Variants in UNC5C observed in about 807,000 individuals in gnomAD.
The protein encoded by UNC5C is netrin receptor UNC5C.
Under a neutral mutation model 99.8 loss-of-function variants are expected in UNC5C, and 47 were observed. The observed-to-expected ratio is 0.47, with a 90% CI of 0.37 to 0.60. The LOEUF (loss-of-function observed/expected upper bound fraction) is 0.60. Among genes scored for constraint, UNC5C ranks in the 20% least tolerant of loss-of-function variants. The pLI, the probability that UNC5C is intolerant of heterozygous loss-of-function variation, is 0.00. For missense variants in UNC5C, 1,062 were observed against 1,165.9 expected (o/e 0.91, Z 1.30); for synonymous variants, 487 against 452.2 (o/e 1.08, Z -0.98).
chr4:95,240,865 A>G (rs573602699), intron 7 of UNC5C, among the ~76,000 whole-genome samples: 48 of 152,316 alleles, frequency 3.2e-4, no homozygotes, highest in Middle Eastern at 3.4e-3. Context: ...GACATTTTCT[A>G]TGACTAATAA....
chr4:95,545,066 A>G (rs1478286641), intron 1 of UNC5C, among the ~76,000 whole-genome samples: 1 of 152,248 alleles, frequency 6.6e-6, no homozygotes, highest in Non-Finnish European at 1.5e-5. Flanking sequence ...GGGTTTACTT[A>G]GCAGAGCTCA....
chr4:95,418,627 A>C (rs904125712), intron 1 of UNC5C, among the ~76,000 whole-genome samples: 5 of 152,212 alleles, frequency 3.3e-5, no homozygotes, highest in African/African-American at 1.2e-4. Flanking sequence ...CTGAGTAAGC[A>C]CCAGCTGTCC....
chr4:95,322,750 C>A (rs1742736275), intron 2 of UNC5C, among the ~76,000 whole-genome samples: 1 of 151,682 alleles, frequency 6.6e-6, no homozygotes. Context: ...ACCAGCCTGG[C>A]CAACACAGTG....
At chr4:95,498,709 GT>G (rs5860410) in intron 1 of UNC5C, among the ~76,000 whole-genome samples, 66,836 of 149,110 alleles carry the variant, frequency 0.45, 14,962 homozygotes, top group South Asian at 0.49. Context: ...AACATACAGT[GT>G]TTTTTTTTTT....
intron 1 of UNC5C, among the ~76,000 whole-genome samples, chr4:95,413,664 G>A (rs1746070853): frequency 6.6e-6 from 1 of 152,148 alleles, no homozygotes; most frequent in African/African-American, 2.4e-5. Flanking sequence ...CCTCATTTTT[G>A]TTCCTTTCCA....
chr4:95,425,790 T>C (rs1157024307), intron 1 of UNC5C, among the ~76,000 whole-genome samples: 1 of 152,258 alleles, frequency 6.6e-6, no homozygotes, highest in African/African-American at 2.4e-5. Context: ...AATTAAAGTT[T>C]GATCTAGAGA....
chr4:95,254,561 T>C (rs1000263653), intron 4 of UNC5C, among the ~76,000 whole-genome samples: 1 of 152,150 alleles, frequency 6.6e-6, no homozygotes, highest in Non-Finnish European at 1.5e-5. Context: ...AATCCCTGGA[T>C]CAATAGCATC....
chr4:95,338,476 A>G (rs1476439442), intron 1 of UNC5C, among the ~76,000 whole-genome samples: 3 of 152,074 alleles, frequency 2.0e-5, no homozygotes, highest in African/African-American at 7.2e-5. Context: ...AGCTACAAAT[A>G]CTATTTATCC....
intron 1 of UNC5C, among the ~76,000 whole-genome samples, chr4:95,359,743 T>C (rs1322856400): frequency 6.6e-6 from 1 of 152,088 alleles, no homozygotes; most frequent in Non-Finnish European, 1.5e-5. Context: ...TGACACTGCC[T>C]CCCAAAATGT....
At chr4:95,257,650 C>T (rs1008827808) in intron 4 of UNC5C, among the ~76,000 whole-genome samples, 5 of 152,190 alleles carry the variant, frequency 3.3e-5, no homozygotes, top group African/African-American at 1.2e-4. Context: ...TGGCTGATCT[C>T]ACAAGGAATC....
intron 1 of UNC5C, among the ~76,000 whole-genome samples, chr4:95,543,564 A>T (rs1428596552): frequency 1.3e-5 from 2 of 152,172 alleles, no homozygotes; most frequent in Non-Finnish European, 2.9e-5. Flanking sequence ...CAGAAAACCA[A>T]TTATGTTCTT....
rs1736678030 is a variant in UNC5C, at chr4:95,182,990, A to G, written c.2358T>C (p.Phe786=). The change falls in exon 14 of 16, where the codon TTT becomes TTC. Residue 786 remains phenylalanine, a synonymous_variant. Coordinates refer to ENST00000453304, the MANE Select transcript of UNC5C (RefSeq NM_003728.4). The part of the protein sequence containing the change: ...NLHCTFTLER[F]SLNTVELVCK... ...AAACCAGCTCCACTGTGTTCAGGCT[A>G]AATCTTTCCAGAGTGAAGGTGCAGT... 1 of 1,613,642 alleles carries G rather than the reference A, an allele frequency of 6.2e-7. No homozygotes were observed. Among genetic ancestry groups the G allele is most frequent in the South Asian group, 1.1e-5 (1 of 91,016 alleles).
intron 1 of UNC5C, among the ~76,000 whole-genome samples, chr4:95,545,632 T>G (rs968279940): frequency 2.0e-5 from 3 of 152,212 alleles, no homozygotes; most frequent in Non-Finnish European, 4.4e-5. Context: ...TGTCCTGAGT[T>G]TGGTGGTGTT....
At chr4:95,511,184 C>T (rs920497264) in intron 1 of UNC5C, among the ~76,000 whole-genome samples, 5 of 152,038 alleles carry the variant, frequency 3.3e-5, no homozygotes, top group Admixed American at 3.3e-4. Context: ...GTCAAATTAG[C>T]AGAAGCTAAT....
chr4:95,499,049 G>C lies in UNC5C; in HGVS notation c.124+49685C>G, dbSNP rs1283659293. ...GGAAGAAAACTAAAGCTTTACAGGA[G>C]ACCTGATGAAATGCAGACTCAAGTA... On this transcript the variant is annotated intron_variant, in intron 1 of 15. Transcript: ENST00000453304. 2.6e-5 allele frequency among the ~76,000 whole-genome samples: 4 copies of C among 152,110 alleles called. No individual in the cohort carries two copies. The East Asian group carries it at 7.7e-4, about 29-fold the overall frequency.
intron 1 of UNC5C, among the ~76,000 whole-genome samples, chr4:95,395,432 C>T (rs1014645544): frequency 6.6e-6 from 1 of 152,072 alleles, no homozygotes; most frequent in Non-Finnish European, 1.5e-5. Context: ...AACAAAGTCC[C>T]TTTAAATAGT....
chr4:95,179,439 A>C (rs951099625), intron 14 of UNC5C, among the ~76,000 whole-genome samples: 1 of 152,234 alleles, frequency 6.6e-6, no homozygotes, highest in Non-Finnish European at 1.5e-5. Context: ...TTACCTATAA[A>C]TCTATTATTA....
chr4:95,503,690 T>G (rs1721837454), intron 1 of UNC5C, among the ~76,000 whole-genome samples: 1 of 152,170 alleles, frequency 6.6e-6, no homozygotes, highest in Non-Finnish European at 1.5e-5. Flanking sequence ...CAACATGCTT[T>G]ATGTACTTTT....
chr4:95,438,765 C>T (rs1746863151), intron 1 of UNC5C, among the ~76,000 whole-genome samples: 1 of 152,094 alleles, frequency 6.6e-6, no homozygotes, highest in African/African-American at 2.4e-5. Context: ...TGAAATGTAC[C>T]AGAATATAAA....
Sources: gnomAD v4.1 joint callset for allele counts (sites outside exome capture counted in the v4.1 genomes callset) on GRCh38, gnomAD v4.1.1 for gene constraint, MANE v1.5 for transcripts, NCBI Gene and HGNC (gene_info 2026-07-23, HGNC 2026-07-21) for gene names.